The following DCC variants were observed in gnomAD, a reference collection of about 807,000 sequenced individuals.
DCC encodes the protein DCC netrin 1 receptor.
Under a neutral mutation model 172.5 loss-of-function variants are expected in DCC, and 58 were observed. The ratio of observed to expected loss-of-function variants is 0.34; its 90% CI spans 0.27 to 0.42. The LOEUF (loss-of-function observed/expected upper bound fraction) is 0.42, where lower values mean the gene tolerates loss of function less well. Among genes scored for constraint, DCC ranks in the 10% least tolerant of loss-of-function variants. DCC has a pLI of 1.00. For missense variants in DCC, 1,740 were observed against 1,791.0 expected (o/e 0.97, Z 0.51); for synonymous variants, 709 against 644.5 (o/e 1.10, Z -1.52).
At chr18:52,778,672 TTTTTTC>T (rs2037478334) in intron 2 of DCC, among the ~76,000 whole-genome samples, 1 of 152,278 alleles carries the variant, frequency 6.6e-6, no homozygotes, top group African/African-American at 2.4e-5. Context: ...AATTGCCTAG[TTTTTTC>T]TTTTTCTTTT....
At chr18:53,278,706 G>T (rs185598728) in intron 12 of DCC, among the ~76,000 whole-genome samples, 11 of 152,168 alleles carry the variant, frequency 7.2e-5, no homozygotes, top group African/African-American at 2.4e-4. Flanking sequence ...TCAGCATTTA[G>T]CCCTAAAAGC....
At chr18:52,791,981 G>A (rs1462616154) in intron 2 of DCC, among the ~76,000 whole-genome samples, 1 of 152,114 alleles carries the variant, frequency 6.6e-6, no homozygotes, top group East Asian at 1.9e-4. Flanking sequence ...AATTGTTGAA[G>A]GTAGAGTTTT....
intron 1 of DCC, among the ~76,000 whole-genome samples, chr18:52,687,442 G>A (rs1283018538): frequency 1.3e-5 from 2 of 151,614 alleles, no homozygotes; most frequent in Non-Finnish European, 2.9e-5. Context: ...CTGCCACCAT[G>A]CCCAGCTAAT....
intron 1 of DCC, among the ~76,000 whole-genome samples, chr18:52,562,242 G>T (rs1285921761): frequency 6.6e-6 from 1 of 152,124 alleles, no homozygotes; most frequent in Non-Finnish European, 1.5e-5. Context: ...CCTAAAGGAG[G>T]GGAAGAGTTT....
chr18:53,502,470 A>C (rs1475012691), intron 27 of DCC, among the ~76,000 whole-genome samples: 1 of 152,200 alleles, frequency 6.6e-6, no homozygotes, highest in African/African-American at 2.4e-5. Flanking sequence ...AAATTAGCAG[A>C]CTGACAAATG....
chr18:53,452,927 GTTTT>G (rs1161765864), intron 23 of DCC, among the ~76,000 whole-genome samples: 366 of 146,578 alleles, frequency 2.5e-3, no homozygotes, highest in African/African-American at 9.3e-3. Flanking sequence ...TTGTTTGTTT[GTTTT>G]TTGAGATGGA....
At chr18:53,066,884 G>A (rs1170547236) in intron 7 of DCC, among the ~76,000 whole-genome samples, 7 of 152,178 alleles carry the variant, frequency 4.6e-5, no homozygotes, top group South Asian at 2.1e-4. Context: ...AGATTATGGC[G>A]GAAGGCGAAG....
chr18:52,390,620 T>C (rs745618214), intron 1 of DCC, among the ~76,000 whole-genome samples: 7 of 152,078 alleles, frequency 4.6e-5, no homozygotes, highest in Non-Finnish European at 1.0e-4. Flanking sequence ...GAAACCCAGG[T>C]TGGCATCTGC....
intron 13 of DCC, among the ~76,000 whole-genome samples, chr18:53,313,786 A>G (rs1174394261): frequency 5.3e-5 from 8 of 152,176 alleles, no homozygotes; most frequent in Non-Finnish European, 1.2e-4. Context: ...GGGCCTTTGA[A>G]GGTGCCCAGC....
intron 2 of DCC, among the ~76,000 whole-genome samples, chr18:52,812,745 G>A (rs755620067): frequency 1.3e-5 from 2 of 152,108 alleles, no homozygotes; most frequent in African/African-American, 2.4e-5. Context: ...TCTGGGTTTC[G>A]GCTGTCTCAC....
intron 1 of DCC, among the ~76,000 whole-genome samples, chr18:52,418,858 CTTTT>C (rs11313758): frequency 1.4e-3 from 130 of 93,002 alleles, no homozygotes; most frequent in African/African-American, 5.7e-3. Flanking sequence ...TTCTTTCTTT[CTTTT>C]TTTTTTTTTT....
At chr18:52,564,485 G>C (rs2033108427) in intron 1 of DCC, among the ~76,000 whole-genome samples, 1 of 152,026 alleles carries the variant, frequency 6.6e-6, no homozygotes, top group African/African-American at 2.4e-5. Context: ...TCATAATTTT[G>C]TCCTCTAGGT....
At chr18:52,741,093 A>C (rs990552623) in intron 1 of DCC, among the ~76,000 whole-genome samples, 2 of 152,196 alleles carry the variant, frequency 1.3e-5, no homozygotes, top group Non-Finnish European at 2.9e-5. Flanking sequence ...TTTGCAATTG[A>C]AAGTGCCTTC....
Position 52,889,765 on chromosome 18 carries a change from A to G in DCC, c.413-16279A>G, listed in dbSNP as rs1399258568. Among the ~76,000 whole-genome samples, 16 of 152,286 alleles carry G rather than the reference A, an allele frequency of 1.1e-4. No individual in the cohort carries two copies. In the East Asian group the frequency reaches 3.1e-3, roughly 29 times the overall value. On this transcript the variant is annotated intron_variant, in intron 2 of 28. Coordinates refer to ENST00000442544, the MANE Select transcript of DCC (RefSeq NM_005215.4). ...ACCATAATGAATTTTTCATAAATTG[A>G]GGTCATCACCAAAATATTCTGCAAT...
chr18:53,284,478 T>C (rs1273791981), intron 12 of DCC, among the ~76,000 whole-genome samples: 1 of 152,162 alleles, frequency 6.6e-6, no homozygotes, highest in African/African-American at 2.4e-5. Context: ...TCTTCTCTTG[T>C]CTGCCACCAT....
chr18:52,598,533 C>T (rs181106755), intron 1 of DCC, among the ~76,000 whole-genome samples: 7 of 152,214 alleles, frequency 4.6e-5, no homozygotes, highest in Admixed American at 3.3e-4. Context: ...CTATGGAGCA[C>T]CAGGATGTAT....
chr18:52,884,667 C>T (rs1295619442), intron 2 of DCC, among the ~76,000 whole-genome samples: 4 of 152,192 alleles, frequency 2.6e-5, no homozygotes, highest in African/African-American at 9.6e-5. Context: ...TGAAAGGTCA[C>T]ATATCTCTGT....
Position 52,340,352 on chromosome 18 carries a change from C to A in DCC, c.-436C>A, listed in dbSNP as rs1333105349. 4.9e-6 allele frequency: 1 copy of A among 205,070 alleles called. No individual in the cohort carries two copies. The highest frequency in any genetic ancestry group is 1.0e-5 in the Non-Finnish European group (1 of 98,982). 12.7% of individuals were successfully genotyped at this position (205,070 alleles called of 1,614,324 possible). A position where few individuals can be genotyped will look rare whatever the true frequency, so the allele number is the denominator to read the frequency against. On this transcript the variant is annotated 5_prime_UTR_variant, in exon 1 of 29. Coordinates refer to ENST00000442544, the MANE Select transcript of DCC (RefSeq NM_005215.4). Reference sequence around the variant, plus strand: ...TGTCTCTTCAACTTTACCCAACCGACGACAAGGAACCAGCCTCAACCTTTT... The same window carrying A: ...TGTCTCTTCAACTTTACCCAACCGAAGACAAGGAACCAGCCTCAACCTTTT...
At chr18:53,069,620 CAA>C (rs72121087) in intron 7 of DCC, among the ~76,000 whole-genome samples, 53 of 113,340 alleles carry the variant, frequency 4.7e-4, no homozygotes, top group East Asian at 4.6e-4. Flanking sequence ...TCCACAAAAA[CAA>C]AAAAAAAAAA....
Sources: allele counts gnomAD v4.1 joint callset (sites outside exome capture counted in the v4.1 genomes callset), GRCh38; gene constraint gnomAD v4.1.1; transcripts MANE v1.5; gene names NCBI Gene and HGNC (gene_info 2026-07-23, HGNC 2026-07-21).